NRG3: variants seen among roughly 807,000 people sequenced by gnomAD.
NRG3 encodes pro-neuregulin-3, membrane-bound isoform.
NRG3 carries 31 observed loss-of-function variants against 66.9 expected under a neutral mutation model. That is an observed-to-expected ratio of 0.46 (90% CI 0.35 to 0.63). NRG3 has a LOEUF of 0.63. NRG3 is among the 20% of genes least tolerant of loss of function. The pLI is 0.00. For missense variants in NRG3, 910 were observed against 878.9 expected, an observed-to-expected ratio of 1.04 and a Z score of -0.45; for synonymous variants, 393 against 359.4, an observed-to-expected ratio of 1.09 and a Z score of -1.06.
chr10:82,636,280 C>T (rs74146142), intron 2 of NRG3, among the ~76,000 whole-genome samples: 15,152 of 150,968 alleles, frequency 0.1, 891 homozygotes, highest in East Asian at 0.22. Context: ...TACAGGCATG[C>T]GGTGTGTGTG....
Position 82,629,176 on chromosome 10 carries a change from C to T in NRG3, c.954-109401C>T, listed in dbSNP as rs559715044. Among the ~76,000 whole-genome samples the T allele has an allele frequency of 2.3e-4, 35 of 152,184 alleles. 1 individual carries two copies. The highest frequency in any genetic ancestry group is 1.6e-3 in the Admixed American group (24 of 15,278). ...CTGTGCAACCTTTTCCCAGTATTGT[C>T]AAATGGGAATTCAAAAATCCAATAA... is the stretch of plus-strand genomic sequence containing the variant. On this transcript the variant is annotated intron_variant, in intron 2 of 8. Transcript: ENST00000372141.
chr10:81,893,918 A>G (rs1423187030), intron 1 of NRG3, among the ~76,000 whole-genome samples: 1 of 152,138 alleles, frequency 6.6e-6, no homozygotes, highest in Non-Finnish European at 1.5e-5. Context: ...TTTTTCCTGA[A>G]ACTCAAGAAC....
intron 2 of NRG3, among the ~76,000 whole-genome samples, chr10:82,676,275 A>G (rs914867710): frequency 6.6e-6 from 1 of 152,080 alleles, no homozygotes; most frequent in African/African-American, 2.4e-5. Context: ...AAGCTACCAC[A>G]TATTATGTTG....
intron 1 of NRG3, among the ~76,000 whole-genome samples, chr10:82,310,059 G>T (rs2080942785): frequency 6.6e-6 from 1 of 152,034 alleles, no homozygotes; most frequent in Non-Finnish European, 1.5e-5. Flanking sequence ...CTGGAAAATT[G>T]CCGTCATTCC....
chr10:82,301,653 T>G (rs2080406779), intron 1 of NRG3, among the ~76,000 whole-genome samples: 1 of 148,214 alleles, frequency 6.7e-6, no homozygotes, highest in South Asian at 2.1e-4. Context: ...AGTTTCCATT[T>G]TTATTTATAT....
chr10:82,272,676 C>G (rs182209361), intron 1 of NRG3, among the ~76,000 whole-genome samples: 1 of 151,962 alleles, frequency 6.6e-6, no homozygotes, highest in African/African-American at 2.4e-5. Context: ...TAATATATTC[C>G]ATGACATATT....
intron 1 of NRG3, among the ~76,000 whole-genome samples, chr10:82,014,969 G>C (rs1043941124): frequency 6.6e-6 from 1 of 152,082 alleles, no homozygotes; most frequent in Non-Finnish European, 1.5e-5. Context: ...AAGAAATGCT[G>C]GATTCTGCAG....
chr10:81,987,687 T>A (rs1430930607), intron 1 of NRG3, among the ~76,000 whole-genome samples: 2 of 152,190 alleles, frequency 1.3e-5, no homozygotes, highest in Non-Finnish European at 2.9e-5. Context: ...TGAGTTACAA[T>A]TGAGAGAGCA....
intron 1 of NRG3, among the ~76,000 whole-genome samples, chr10:82,148,289 G>C (rs900299221): frequency 9.9e-5 from 15 of 152,082 alleles, no homozygotes; most frequent in African/African-American, 3.6e-4. Context: ...CTTGAGCCCA[G>C]GAGTTCAAGA....
At chr10:82,126,305 T>G (rs1430838880) in intron 1 of NRG3, among the ~76,000 whole-genome samples, 1 of 152,138 alleles carries the variant, frequency 6.6e-6, no homozygotes, top group African/African-American at 2.4e-5. Flanking sequence ...TTCCCTATAA[T>G]GTATAATGAG....
At position 82,923,065 on chromosome 10, in the gene NRG3, G is replaced by A. The variant is rs139408197; in HGVS notation, c.1055-28404G>A. On this transcript the variant is annotated intron_variant, in intron 4 of 8. Coordinates refer to ENST00000372141, the MANE Select transcript of NRG3 (RefSeq NM_001010848.4). The stretch of plus-strand genomic sequence containing the variant: ...TAACAGCTTACTAATATTGACCAAA[G>A]GTCATCCCCTTCCAATCCATTCTCC... Among the ~76,000 whole-genome samples, 12 of 152,260 alleles carry A rather than the reference G, an allele frequency of 7.9e-5. No homozygotes were observed. In the East Asian group the frequency reaches 2.1e-3, roughly 27 times the overall value.
intron 3 of NRG3, among the ~76,000 whole-genome samples, chr10:82,784,589 A>C (rs2060262791): frequency 6.6e-6 from 1 of 152,200 alleles, no homozygotes; most frequent in Non-Finnish European, 1.5e-5. Context: ...ATGCAGCCAA[A>C]AGACATATGA....
chr10:82,725,501 A>T (rs951298994), intron 2 of NRG3, among the ~76,000 whole-genome samples: 6 of 152,194 alleles, frequency 3.9e-5, no homozygotes, highest in African/African-American at 1.4e-4. Flanking sequence ...AAAACAAGAG[A>T]TAGCTAAATT....
rs550410680 is a variant in NRG3, at chr10:82,375,768, G to A, written c.953+16900G>A. On this transcript the variant is annotated intron_variant, in intron 2 of 8. Transcript: ENST00000372141. ...CTTAATTTCTTCATTGTGAAATGGC[G>A]TGATTGAACATAATTCCTAGGTCTC... Among the ~76,000 whole-genome samples, 22 of 152,190 alleles carry A rather than the reference G, an allele frequency of 1.4e-4. No homozygotes were observed. The South Asian group carries it at 2.1e-3, about 14-fold the overall frequency.
At chr10:81,879,012 G>C (rs1052492521) in intron 1 of NRG3, among the ~76,000 whole-genome samples, 8 of 152,168 alleles carry the variant, frequency 5.3e-5, no homozygotes, top group African/African-American at 1.9e-4. Context: ...TTAGAGAACT[G>C]TTTCTAATTT....
intron 3 of NRG3, among the ~76,000 whole-genome samples, chr10:82,804,374 T>C (rs2061186943): frequency 6.6e-6 from 1 of 152,188 alleles, no homozygotes; most frequent in African/African-American, 2.4e-5. Flanking sequence ...CTACAATGCA[T>C]GATAAGGGCT....
chr10:81,998,984 A>G (rs566308666), intron 1 of NRG3, among the ~76,000 whole-genome samples: 20 of 152,176 alleles, frequency 1.3e-4, no homozygotes, highest in Admixed American at 8.5e-4. Context: ...TTGTATTTTA[A>G]TAGAGATGGG....
chr10:82,413,945 T>C (rs1289787773), intron 2 of NRG3, among the ~76,000 whole-genome samples: 23 of 152,168 alleles, frequency 1.5e-4, no homozygotes, highest in Admixed American at 1.5e-3. Flanking sequence ...TGTGGCTCGT[T>C]TGATCTTCTA....
At chr10:82,780,840 GC>G (rs998775990) in intron 3 of NRG3, among the ~76,000 whole-genome samples, 2 of 152,042 alleles carry the variant, frequency 1.3e-5, no homozygotes, top group African/African-American at 4.8e-5. Flanking sequence ...ACTTTTCCTG[GC>G]CCCTTGTTTT....
Sources: gnomAD v4.1 joint callset for allele counts (sites outside exome capture counted in the v4.1 genomes callset) on GRCh38, gnomAD v4.1.1 for gene constraint, MANE v1.5 for transcripts, NCBI Gene and HGNC (gene_info 2026-07-23, HGNC 2026-07-21) for gene names.